Variants in SLC48A1 observed in about 807,000 individuals in gnomAD.
SLC48A1 encodes the protein heme transporter HRG1.
SLC48A1 carries 6 observed loss-of-function variants against 14.8 expected under a neutral mutation model. The observed-to-expected ratio is 0.41, with a 90% CI of 0.22 to 0.80. SLC48A1 has a LOEUF of 0.80. Among genes scored for constraint, SLC48A1 ranks in the 30% least tolerant of loss-of-function variants. The probability of loss-of-function intolerance (pLI) is 0.34; values close to 1 mark genes in which losing one functional copy is unlikely to be tolerated. For synonymous variants in SLC48A1, 89 were observed against 90.0 expected, an observed-to-expected ratio of 0.99 and a Z score of 0.06; for missense variants, 165 against 204.8, an observed-to-expected ratio of 0.81 and a Z score of 1.19.
intron 1 of SLC48A1, chr12:47,758,880 T>G: frequency 1.8e-6 from 2 of 1,136,118 alleles, no homozygotes; most frequent in Non-Finnish European, 1.1e-6. Context: ...AAGGCTGCGC[T>G]GGCACCGGTC....
intron 2 of SLC48A1, among the ~76,000 whole-genome samples, chr12:47,763,551 A>G (rs992548378): frequency 6.6e-6 from 1 of 152,106 alleles, no homozygotes; most frequent in African/African-American, 2.4e-5. Context: ...CTGGCTCTGC[A>G]TGGTTTAAGG....
At chr12:47,769,089 A>G (rs923757072), upstream of SLC48A1, 2 of 152,208 alleles carry the variant, frequency 1.3e-5, no homozygotes, top group African/African-American at 4.8e-5. Flanking sequence ...TGTATGGAAG[A>G]TTTTTAAATG....
In SLC48A1 at chr12:47,782,154, C is replaced by T. The variant is rs1346921739; in HGVS notation, c.*1873C>T. 6.6e-6 allele frequency: 1 copy of T among 152,414 alleles called. No homozygotes were observed. The highest frequency in any genetic ancestry group is 2.4e-5 in the African/African-American group (1 of 41,466). The allele number at this position is 152,414 out of a possible 1,614,324, so 9.4% of individuals were successfully genotyped here. A position where few individuals can be genotyped will look rare whatever the true frequency, so the allele number is the denominator to read the frequency against. On this transcript the variant is annotated 3_prime_UTR_variant, in exon 3 of 3. Transcript: ENST00000442218. ...AAGGCAGGTGCTGCCAGCCTGGCGCCTTCCTCTCTGCTTAGGCTGGGTGAG... is the reference window on the plus strand; with the variant it reads ...AAGGCAGGTGCTGCCAGCCTGGCGCTTTCCTCTCTGCTTAGGCTGGGTGAG...
rs181370919 is a variant in SLC48A1 at position 47,781,443 on chromosome 12, T to A, written c.*1162T>A. 7.1e-5 allele frequency: 11 copies of A among 154,066 alleles called. No homozygotes were observed. Among genetic ancestry groups the A allele is most frequent in the Admixed American group, 3.9e-4 (6 of 15,584 alleles). 9.5% of individuals were successfully genotyped at this position (154,066 alleles called of 1,614,324 possible). A position where few individuals can be genotyped will look rare whatever the true frequency, so the allele number is the denominator to read the frequency against. ...CTGCCCTTCAACTAGAGCTTTCACC[T>A]TTTTACATTTCCCTTCTGAAGGACA... On this transcript the variant is annotated 3_prime_UTR_variant, in exon 3 of 3. Coordinates refer to ENST00000442218, the MANE Select transcript of SLC48A1 (RefSeq NM_017842.3).
upstream of SLC48A1, among the ~76,000 whole-genome samples, chr12:47,754,966 G>A (rs535199643): frequency 8.5e-5 from 13 of 152,338 alleles, no homozygotes; most frequent in African/African-American, 3.1e-4. Flanking sequence ...GGAGAGACAG[G>A]CACAGAGCCA....
chr12:47,773,864 C>T (rs969611608), intron 1 of SLC48A1, among the ~76,000 whole-genome samples: 4 of 151,924 alleles, frequency 2.6e-5, no homozygotes, highest in Admixed American at 1.3e-4. Flanking sequence ...GGATCCCCTG[C>T]CCCCCAGGCG....
intron 2 of SLC48A1, 149 bp downstream of exon 2, chr12:47,779,344 G>A: frequency 8.2e-7 from 1 of 1,214,934 alleles, no homozygotes; most frequent in Non-Finnish European, 1.1e-6. Flanking sequence ...TGGTTCATGT[G>A]GAGAAAACAA....
In SLC48A1 at chr12:47,782,134, A is replaced by C. The variant is rs1007863431; in HGVS notation, c.*1853A>C. 1 of 152,390 alleles carries C rather than the reference A, an allele frequency of 6.6e-6. No homozygotes were observed. Among genetic ancestry groups the C allele is most frequent in the Non-Finnish European group, 1.5e-5 (1 of 68,170 alleles). The allele number at this position is 152,390 out of a possible 1,614,324, so 9.4% of individuals were successfully genotyped here. ...CGGACAGACTCAGAACCACAAAGGC[A>C]GGTGCTGCCAGCCTGGCGCCTTCCT... is the stretch of plus-strand genomic sequence containing the variant. On this transcript the variant is annotated 3_prime_UTR_variant, in exon 3 of 3. Coordinates refer to ENST00000442218, the MANE Select transcript of SLC48A1 (RefSeq NM_017842.3).
chr12:47,779,003 G>A (rs1942807308), intron 1 of SLC48A1, 25 bp from the exon 2 acceptor site: 12 of 1,546,400 alleles, frequency 7.8e-6, no homozygotes, highest in Admixed American at 2.0e-5. Context: ...CCCTGGGGAT[G>A]GGCCCTGATG....
intron 2 of SLC48A1, among the ~76,000 whole-genome samples, chr12:47,765,008 C>T (rs1274416600): frequency 1.5e-5 from 2 of 132,316 alleles, no homozygotes; most frequent in African/African-American, 2.9e-5. Context: ...ACCTGGAAGG[C>T]GGAGGTTGCA....
chr12:47,775,009 G>C (rs1942712084), intron 1 of SLC48A1, among the ~76,000 whole-genome samples: 1 of 152,186 alleles, frequency 6.6e-6, no homozygotes, highest in Non-Finnish European at 1.5e-5. Context: ...GAGCAGGGAG[G>C]GCCAGCCTGG....
At chr12:47,754,005 A>T (rs1941908253), upstream of SLC48A1, 1 of 152,266 alleles carries the variant, frequency 6.6e-6, no homozygotes, top group Non-Finnish European at 1.5e-5. Flanking sequence ...AAGCCCAGAG[A>T]GATCACACAA....
chr12:47,778,502 G>A (rs999510379), intron 1 of SLC48A1: 1 of 153,844 alleles, frequency 6.5e-6, no homozygotes, highest in Non-Finnish European at 1.4e-5. Context: ...GCATGGGGCA[G>A]GAGCATGGCT....
chr12:47,776,908 C>G (rs1942766365), intron 1 of SLC48A1, among the ~76,000 whole-genome samples: 1 of 152,154 alleles, frequency 6.6e-6, no homozygotes, highest in African/African-American at 2.4e-5. Context: ...TTCTCCCAAG[C>G]TGGCTTCTAG....
intron 2 of SLC48A1, among the ~76,000 whole-genome samples, chr12:47,764,538 A>G (rs1942468611): frequency 4.6e-5 from 7 of 152,194 alleles, no homozygotes; most frequent in Admixed American, 4.6e-4. Flanking sequence ...CCTGCTTAGG[A>G]GATGCCCAGT....
chr12:47,757,043 C>T (rs1230906950), upstream of SLC48A1, among the ~76,000 whole-genome samples: 1 of 152,012 alleles, frequency 6.6e-6, no homozygotes, highest in Non-Finnish European at 1.5e-5. Context: ...CCTGTAATAC[C>T]AGCACTTTGG....
chr12:47,759,167 C>G lies in SLC48A1; in HGVS notation c.-373+507C>G, dbSNP rs556450508. On this transcript the variant is annotated intron_variant, in intron 1 of 4. Transcript: ENST00000547002. ...ATCCGGCGGTGAGTGGCTGCACTGG[C>G]CGCCACGTGGCCGGGAGGAGAAATG... 2.1e-4 allele frequency: 193 copies of G among 922,484 alleles called. 4 individuals are homozygous for G. The African/African-American group carries it at 3.3e-3, about 16-fold the overall frequency. The allele number at this position is 922,484 out of a possible 1,614,324, so 57.1% of individuals were successfully genotyped here. A position where few individuals can be genotyped will look rare whatever the true frequency, so the allele number is the denominator to read the frequency against.
At chr12:47,766,188 T>C (rs1164495618) in intron 2 of SLC48A1, among the ~76,000 whole-genome samples, 3 of 152,210 alleles carry the variant, frequency 2.0e-5, no homozygotes, top group Admixed American at 6.5e-5. Context: ...CGTGCACTGA[T>C]GAAGGCTCCA....
intron 2 of SLC48A1, among the ~76,000 whole-genome samples, chr12:47,764,246 C>A (rs1942460348): frequency 6.6e-6 from 1 of 152,130 alleles, no homozygotes. Context: ...TGCCCCATTC[C>A]AGTTGTGGCC....
Sources: allele counts gnomAD v4.1 joint callset (sites outside exome capture counted in the v4.1 genomes callset), GRCh38; gene constraint gnomAD v4.1.1; transcripts MANE v1.5; gene names NCBI Gene and HGNC (gene_info 2026-07-23, HGNC 2026-07-21).